TBC1D19: variants seen among roughly 807,000 people sequenced by gnomAD.
TBC1D19 encodes TBC1 domain family member 19.
TBC1D19 carries 60 observed loss-of-function variants against 89.0 expected under a neutral mutation model. The observed-to-expected ratio is 0.67, with a 90% CI of 0.55 to 0.84. TBC1D19 has a LOEUF of 0.84. Among genes scored for constraint, TBC1D19 ranks in the 40% least tolerant of loss-of-function variants. The probability of loss-of-function intolerance (pLI) is 0.00; values close to 1 mark genes in which losing one functional copy is unlikely to be tolerated. For missense variants in TBC1D19, 500 were observed against 610.8 expected (o/e 0.82, Z 1.91); for synonymous variants, 189 against 199.7 (o/e 0.95, Z 0.45).
chr4:26,718,311 C>CTAACTA (rs55746029), intron 14 of TBC1D19, among the ~76,000 whole-genome samples: 148,528 of 151,916 alleles, frequency 0.98, 72,686 homozygotes, highest in East Asian at 1. Context: ...CTTTTTCTTT[C>CTAACTA]TAAGTTTATA....
the TBC1D19 span, among the ~76,000 whole-genome samples, chr4:26,766,853 T>C: frequency 6.6e-6 from 1 of 152,160 alleles, no homozygotes; most frequent in East Asian, 1.9e-4. Flanking sequence ...ATAATGCATA[T>C]AGAATATTTA....
At chr4:26,585,929 A>G (rs1055208278) in intron 1 of TBC1D19, among the ~76,000 whole-genome samples, 10 of 152,184 alleles carry the variant, frequency 6.6e-5, no homozygotes, top group African/African-American at 2.4e-4. Context: ...GGTCTTTGAA[A>G]GAGAAAAATG....
At chr4:26,691,924 C>T (rs1714323544) in intron 13 of TBC1D19, among the ~76,000 whole-genome samples, 1 of 152,184 alleles carries the variant, frequency 6.6e-6, no homozygotes, top group Non-Finnish European at 1.5e-5. Context: ...GAACCATCCT[C>T]AGCAGGAAAC....
At chr4:26,740,863 T>A in intron 17 of TBC1D19, 1 of 985,422 alleles carries the variant, frequency 1.0e-6, no homozygotes, top group Non-Finnish European at 1.2e-6. Flanking sequence ...CTATTTCACC[T>A]TCCTCCATCT....
chr4:26,658,174 T>G (rs565744262), intron 7 of TBC1D19, among the ~76,000 whole-genome samples: 48 of 152,238 alleles, frequency 3.2e-4, no homozygotes, highest in Non-Finnish European at 6.0e-4. Flanking sequence ...GCCTGTGTCC[T>G]GAATGGTATT....
At chr4:26,637,477 A>G (rs933200376) in intron 5 of TBC1D19, among the ~76,000 whole-genome samples, 192 bp downstream of exon 5, 17 of 152,064 alleles carry the variant, frequency 1.1e-4, no homozygotes, top group South Asian at 2.1e-4. Context: ...GGTTCAAGCA[A>G]TTCTCCTGCC....
chr4:26,625,430 G>A (rs956057503), intron 4 of TBC1D19, among the ~76,000 whole-genome samples: 11 of 152,112 alleles, frequency 7.2e-5, no homozygotes, highest in Non-Finnish European at 1.5e-4. Flanking sequence ...GATCTCATAC[G>A]CAGTTTCCCT....
chr4:26,583,207 G>C (rs541802439), upstream of TBC1D19, among the ~76,000 whole-genome samples: 128 of 152,154 alleles, frequency 8.4e-4, no homozygotes, highest in Middle Eastern at 3.4e-3. Context: ...CTTTTTTGGG[G>C]GGGGAAGGGA....
chr4:26,828,808 G>A, the TBC1D19 span, among the ~76,000 whole-genome samples: 1 of 152,232 alleles, frequency 6.6e-6, no homozygotes, highest in Admixed American at 6.5e-5. Context: ...GTGCCTGGAT[G>A]TTGTAAGTGC....
chr4:26,787,653 A>G, the TBC1D19 span, among the ~76,000 whole-genome samples: 1 of 151,796 alleles, frequency 6.6e-6, no homozygotes, highest in Non-Finnish European at 1.5e-5. Context: ...AGTGTAGAGG[A>G]CTTGACATGC....
chr4:26,659,839 T>G, intron 8 of TBC1D19, 132 bp downstream of exon 8: 1 of 508,070 alleles, frequency 2.0e-6, no homozygotes, highest in South Asian at 4.8e-5. Flanking sequence ...GTTGATTCTT[T>G]TATTGCAAAT....
intron 2 of TBC1D19, among the ~76,000 whole-genome samples, chr4:26,613,692 C>T (rs1455583042): frequency 6.6e-6 from 1 of 152,108 alleles, no homozygotes; most frequent in Non-Finnish European, 1.5e-5. Flanking sequence ...GTTTTAAATA[C>T]TGTTTACCTT....
the TBC1D19 span, among the ~76,000 whole-genome samples, chr4:26,766,311 T>C: frequency 6.6e-6 from 1 of 152,188 alleles, no homozygotes; most frequent in Admixed American, 6.5e-5. Flanking sequence ...AATGTTGTAA[T>C]GGAGCACTGT....
At chr4:26,753,692 G>C (rs999026323) in intron 19 of TBC1D19, 128 bp from the exon 20 acceptor site, 25 of 841,884 alleles carry the variant, frequency 3.0e-5, no homozygotes, top group Middle Eastern at 3.6e-4. Context: ...CAGAATGCGG[G>C]GGTGTGGTCC....
chr4:26,672,161 A>G lies in TBC1D19; in HGVS notation c.677A>G (p.Asn226Ser). ...TTTTAATTTTTAGAACTTTTTGAAAATGAACATGTACGTATTGGGCAAAAA... is the reference window on the plus strand; with the variant it reads ...TTTTAATTTTTAGAACTTTTTGAAAGTGAACATGTACGTATTGGGCAAAAA... ...STQVPPELFENEHVRIGQKVL... is the reference protein window; with the variant it reads ...STQVPPELFESEHVRIGQKVL... The change falls in exon 10 of 21, where the codon AAT (asparagine) becomes AGT (serine). Residue 226 changes from asparagine (N) to serine (S), a missense_variant. Asn to Ser is a conservative substitution (Grantham distance 46). Coordinates refer to ENST00000264866, the MANE Select transcript of TBC1D19 (RefSeq NM_018317.4). 1 of 1,232,550 alleles carries G rather than the reference A, an allele frequency of 8.1e-7. No homozygotes were observed. Among genetic ancestry groups the G allele is most frequent in the Non-Finnish European group, 1.1e-6 (1 of 927,432 alleles). 76.4% of individuals were successfully genotyped at this position (1,232,550 alleles called of 1,614,324 possible).
intron 13 of TBC1D19, among the ~76,000 whole-genome samples, chr4:26,715,800 C>T (rs146618296): frequency 2.6e-5 from 4 of 152,208 alleles, no homozygotes; most frequent in Non-Finnish European, 5.9e-5. Context: ...TGCTACAGCA[C>T]TACCAGCTGC....
At chr4:26,639,753 A>G (rs551168381) in intron 6 of TBC1D19, among the ~76,000 whole-genome samples, 16 of 152,328 alleles carry the variant, frequency 1.1e-4, no homozygotes, top group Non-Finnish European at 1.6e-4. Flanking sequence ...GTTATTATAT[A>G]TAGTTATTTG....
rs572645026 is a variant in TBC1D19 at position 26,606,848 on chromosome 4, TC to T, written c.100-6319del. Among the ~76,000 whole-genome samples, 497 of 152,260 alleles carry T rather than the reference TC, an allele frequency of 3.3e-3. 1 individual carries two copies. The highest frequency in any genetic ancestry group is 0.012 in the African/African-American group (479 of 41,550). ...TCCTTGGATCCCTTTCTGTAGAACT[TC>T]CTATGCCCTCATTTGTACTTAATGG... On this transcript the variant is annotated intron_variant, in intron 1 of 20. Transcript: ENST00000264866.
chr4:26,726,705 A>C (rs1717341860), intron 15 of TBC1D19, among the ~76,000 whole-genome samples: 1 of 152,254 alleles, frequency 6.6e-6, no homozygotes. Context: ...AATGAATTAA[A>C]TAAACTGTAC....
Sources: allele counts gnomAD v4.1 joint callset (sites outside exome capture counted in the v4.1 genomes callset), GRCh38; gene constraint gnomAD v4.1.1; transcripts MANE v1.5; gene names NCBI Gene and HGNC (gene_info 2026-07-23, HGNC 2026-07-21).